SLC35F4: variants seen among roughly 807,000 people sequenced by gnomAD.
SLC35F4 encodes solute carrier family 35 member F4, also known as chromosome 14 open reading frame 36.
Under a neutral mutation model 44.2 loss-of-function variants are expected in SLC35F4, and 24 were observed. The observed-to-expected ratio is 0.54, with a 90% CI of 0.39 to 0.76. SLC35F4 has a LOEUF of 0.76. Among genes scored for constraint, SLC35F4 ranks in the 30% least tolerant of loss-of-function variants. SLC35F4 has a pLI of 0.00. For missense variants in SLC35F4, 562 were observed against 586.1 expected (o/e 0.96, Z 0.42); for synonymous variants, 238 against 223.6 (o/e 1.06, Z -0.57).
At chr14:57,816,015 G>A (rs1464035597) in intron 1 of SLC35F4, among the ~76,000 whole-genome samples, 12 of 152,100 alleles carry the variant, frequency 7.9e-5, no homozygotes, top group Admixed American at 6.6e-5. Context: ...AAAGAAGGAA[G>A]TAAAAATTTG....
rs1193115250 is a variant in SLC35F4 at position 57,630,051 on chromosome 14, A to C, written c.104-35927T>G. On this transcript the variant is annotated intron_variant, in intron 1 of 7. Coordinates refer to ENST00000556826, the MANE Select transcript of SLC35F4 (RefSeq NM_001306087.2). ...CGCTTGATTTCTACATTCGCTGTCC[A>C]AGAGGATTTGCTTATATTCAATTTG... 5.6e-6 allele frequency: 3 copies of C among 538,846 alleles called. No individual in the cohort carries two copies. In the African/African-American group the frequency reaches 5.8e-5, roughly 10 times the overall value. 33.4% of individuals were successfully genotyped at this position (538,846 alleles called of 1,614,324 possible).
chr14:57,812,076 C>A (rs981248949), intron 1 of SLC35F4, among the ~76,000 whole-genome samples: 1 of 152,182 alleles, frequency 6.6e-6, no homozygotes. Flanking sequence ...CTTGCTATTG[C>A]AGTTGCCCAC....
In SLC35F4 at chr14:57,760,821, T is replaced by G. The variant is rs912030709; in HGVS notation, c.103+104902A>C. Among the ~76,000 whole-genome samples the G allele has an allele frequency of 2.6e-5, 4 of 152,208 alleles. No homozygotes were observed. In the South Asian group the frequency reaches 6.2e-4, roughly 24 times the overall value. On this transcript the variant is annotated intron_variant, in intron 1 of 7. Coordinates refer to ENST00000556826, the MANE Select transcript of SLC35F4 (RefSeq NM_001306087.2). ...GTACTGTGTGAGTCTCAGATACCAA[T>G]AATCATGTAAGAAGGCTCTTTCCAG...
At chr14:57,726,546 A>G (rs2076208222) in intron 1 of SLC35F4, among the ~76,000 whole-genome samples, 1 of 152,346 alleles carries the variant, frequency 6.6e-6, no homozygotes, top group South Asian at 2.1e-4. Context: ...TTGACTTCAT[A>G]TCAGCATTTA....
At chr14:57,655,636 T>C (rs1421472407) in intron 1 of SLC35F4, among the ~76,000 whole-genome samples, 11 of 152,148 alleles carry the variant, frequency 7.2e-5, no homozygotes, top group Non-Finnish European at 1.6e-4. Context: ...CTTACCGTCC[T>C]GTCCCCTTCT....
chr14:57,816,782 C>T (rs2140900570), intron 1 of SLC35F4, among the ~76,000 whole-genome samples: 1 of 152,304 alleles, frequency 6.6e-6, no homozygotes, highest in East Asian at 1.9e-4. Flanking sequence ...TCCACTGTTA[C>T]CTCCTTTGAG....
Position 57,803,746 on chromosome 14 carries a change from T to C in SLC35F4, c.103+61977A>G, listed in dbSNP as rs573155133. On this transcript the variant is annotated intron_variant, in intron 1 of 7. Coordinates refer to ENST00000556826, the MANE Select transcript of SLC35F4 (RefSeq NM_001306087.2). ...CTGGGATCACAGGCGCTTGACACCG[T>C]GCTTGGCTAATTTTTGTATTGTTAG... is the stretch of plus-strand genomic sequence containing the variant. Among the ~76,000 whole-genome samples the C allele has an allele frequency of 6.6e-4, 101 of 152,018 alleles. 1 individual carries two copies. In the South Asian group the frequency reaches 0.021, roughly 31 times the overall value.
downstream of SLC35F4, among the ~76,000 whole-genome samples, chr14:57,976,180 A>G (rs1273790099): frequency 6.6e-6 from 1 of 152,222 alleles, no homozygotes; most frequent in Non-Finnish European, 1.5e-5. Context: ...ACAACACCAT[A>G]AATAAAATAA....
chr14:57,878,965 A>G (rs1182984178), intron 1 of SLC35F4, among the ~76,000 whole-genome samples: 2 of 152,176 alleles, frequency 1.3e-5, no homozygotes, highest in African/African-American at 2.4e-5. Flanking sequence ...ATGAACATTG[A>G]CAAACCAGCA....
chr14:57,837,879 A>G (rs1285038690), intron 1 of SLC35F4, among the ~76,000 whole-genome samples: 1 of 152,168 alleles, frequency 6.6e-6, no homozygotes, highest in East Asian at 1.9e-4. Flanking sequence ...CATACATTCA[A>G]ATATCTTCCA....
intron 1 of SLC35F4, chr14:57,799,601 G>C (rs192910482): frequency 4.6e-5 from 7 of 152,746 alleles, no homozygotes; most frequent in South Asian, 2.1e-4. Flanking sequence ...GCCTGAGACC[G>C]GCGGAGCTCC....
intron 1 of SLC35F4, among the ~76,000 whole-genome samples, chr14:57,635,290 G>A (rs1449285670): frequency 2.6e-5 from 4 of 151,790 alleles, no homozygotes; most frequent in East Asian, 1.9e-4. Flanking sequence ...TTGCAACTGG[G>A]TGGATGTTGT....
intron 1 of SLC35F4, among the ~76,000 whole-genome samples, chr14:57,827,648 G>A (rs924735533): frequency 4.6e-5 from 7 of 151,948 alleles, no homozygotes; most frequent in Middle Eastern, 3.4e-3. Context: ...GTACTGACCC[G>A]TTGTCCACTG....
intron 1 of SLC35F4, among the ~76,000 whole-genome samples, chr14:57,728,441 C>CTTTTTTTTTTTTTTT (rs869064667): frequency 6.6e-4 from 39 of 59,004 alleles, no homozygotes; most frequent in East Asian, 1.8e-3. Context: ...TTCTTTCTTT[C>CTTTTTTTTTTTTTTT]TTTTTTTTTT....
chr14:57,704,980 T>C (rs1008547764), intron 1 of SLC35F4, among the ~76,000 whole-genome samples: 3 of 152,182 alleles, frequency 2.0e-5, no homozygotes, highest in African/African-American at 7.2e-5. Context: ...GGCTGCTTAC[T>C]AGCAATAGAA....
intron 1 of SLC35F4, among the ~76,000 whole-genome samples, chr14:57,959,659 C>G (rs1292208733): frequency 1.3e-5 from 2 of 152,166 alleles, no homozygotes; most frequent in Non-Finnish European, 2.9e-5. Context: ...TTCAACACCC[C>G]GAGACCTGTG....
At chr14:57,834,850 G>A (rs192963225) in intron 1 of SLC35F4, among the ~76,000 whole-genome samples, 5 of 152,266 alleles carry the variant, frequency 3.3e-5, no homozygotes, top group South Asian at 4.2e-4. Context: ...CCAGCATGGC[G>A]AAACCCCATC....
intron 1 of SLC35F4, among the ~76,000 whole-genome samples, chr14:57,638,532 T>G (rs768349046): frequency 6.6e-6 from 1 of 152,136 alleles, no homozygotes; most frequent in East Asian, 1.9e-4. Flanking sequence ...CCTTACTCCT[T>G]GGAAATGCCT....
intron 1 of SLC35F4, among the ~76,000 whole-genome samples, chr14:57,677,493 T>C (rs1262723829): frequency 3.9e-5 from 6 of 152,076 alleles, no homozygotes; most frequent in Admixed American, 6.6e-5. Context: ...TGATAGACTC[T>C]AGATGGTGTG....
Sources: allele counts gnomAD v4.1 joint callset (sites outside exome capture counted in the v4.1 genomes callset), GRCh38; gene constraint gnomAD v4.1.1; transcripts MANE v1.5; gene names NCBI Gene and HGNC (gene_info 2026-07-23, HGNC 2026-07-21).